Variants in VPS13B observed in about 807,000 individuals in gnomAD.
The protein encoded by VPS13B is intermembrane lipid transfer protein VPS13B.
VPS13B carries 285 observed loss-of-function variants against 426.4 expected under a neutral mutation model. The observed-to-expected ratio is 0.67, with a 90% CI of 0.61 to 0.74. The LOEUF (loss-of-function observed/expected upper bound fraction) is 0.74, where lower values mean the gene tolerates loss of function less well. Ranked by LOEUF, VPS13B falls within the 30% of genes least tolerant of loss-of-function variation. VPS13B has a pLI of 0.00. For synonymous variants in VPS13B, 1,676 were observed against 1,676.4 expected (o/e 1.00, Z 0.01); for missense variants, 4,537 against 4,782.6 (o/e 0.95, Z 1.51).
chr8:99,220,945 G>A (rs1588150682), intron 17 of VPS13B, among the ~76,000 whole-genome samples: 3 of 78,770 alleles, frequency 3.8e-5, no homozygotes, highest in African/African-American at 5.0e-5. Flanking sequence ...CCCCTCCCCC[G>A]ACCCCACCAC....
At position 99,520,997 on chromosome 8, in the gene VPS13B, A is replaced by T; in HGVS notation, c.4732A>T (p.Lys1578Ter). The T allele has an allele frequency of 6.2e-7, 1 of 1,613,546 alleles. No individual in the cohort carries two copies. The highest frequency in any genetic ancestry group is 2.2e-5 in the East Asian group (1 of 44,846). ...DNPLGRSVLR[K>*]DIYQRALNLG... ...TCCCCTTGGCAGATCTGTCCTTAGG[A>T]AAGATATTTACCAGTAAGTTTATTT... is the stretch of plus-strand genomic sequence containing the variant. Residue 1578 changes from lysine (K) to a stop codon, truncating the protein, a stop_gained, in exon 30 of 62, where the codon AAA (lysine) becomes TAA (stop). Coordinates refer to ENST00000357162, the MANE Select transcript of VPS13B (RefSeq NM_152564.5). LOFTEE classifies it high-confidence loss of function.
intron 17 of VPS13B, among the ~76,000 whole-genome samples, chr8:99,249,485 G>A (rs1200664091): frequency 1.3e-5 from 2 of 149,130 alleles, no homozygotes; most frequent in African/African-American, 5.0e-5. Context: ...GGAGTACAGT[G>A]GCGCGGTCTC....
chr8:99,138,801 T>A (rs955913016), intron 12 of VPS13B, among the ~76,000 whole-genome samples: 4 of 152,236 alleles, frequency 2.6e-5, no homozygotes, highest in Admixed American at 6.5e-5. Context: ...AGGTTTCCTC[T>A]TGTTCAATAT....
intron 3 of VPS13B, among the ~76,000 whole-genome samples, chr8:99,086,943 C>T (rs1258517668): frequency 2.0e-5 from 3 of 152,182 alleles, no homozygotes; most frequent in Non-Finnish European, 2.9e-5. Flanking sequence ...GTTCTCAGAT[C>T]TGCAGCTGTG....
intron 17 of VPS13B, among the ~76,000 whole-genome samples, chr8:99,257,793 C>CT (rs879425028): frequency 8.4e-4 from 120 of 142,488 alleles, no homozygotes; most frequent in African/African-American, 8.9e-4. Flanking sequence ...CTAATGCTGA[C>CT]TTTTTTTTTT....
At chr8:99,100,177 A>G (rs923257222) in intron 4 of VPS13B, among the ~76,000 whole-genome samples, 1 of 152,224 alleles carries the variant, frequency 6.6e-6, no homozygotes, top group African/African-American at 2.4e-5. Context: ...GTAAGGAAAC[A>G]GTGATAGTCT....
rs1421452908 is a variant in VPS13B at position 99,791,551 on chromosome 8, T to C, written c.7941+7075T>C. ...TACTAATGTATTTGAGAAGACGGTC[T>C]AGAGAAGATTGAGAATACAAACAGA... On this transcript the variant is annotated intron_variant, in intron 43 of 61. Coordinates refer to ENST00000357162, the MANE Select transcript of VPS13B (RefSeq NM_152564.5). Among the ~76,000 whole-genome samples the C allele has an allele frequency of 2.0e-5, 3 of 151,992 alleles. No homozygotes were observed. The East Asian group carries it at 5.8e-4, about 29-fold the overall frequency.
chr8:99,566,414 G>A (rs572454992), intron 31 of VPS13B, among the ~76,000 whole-genome samples: 2 of 151,262 alleles, frequency 1.3e-5, no homozygotes, highest in Non-Finnish European at 2.9e-5. Flanking sequence ...GCCCTAAATA[G>A]CCAGTTTCCC....
At position 99,288,965 on chromosome 8, in the gene VPS13B, G is replaced by A. The variant is rs980753759; in HGVS notation, c.2824+13711G>A. On this transcript the variant is annotated intron_variant, in intron 19 of 61. Coordinates refer to ENST00000357162, the MANE Select transcript of VPS13B (RefSeq NM_152564.5). Reference sequence around the variant, plus strand: ...TAATCTCAGCACTTTGGGAGGCTGAGGTGGAAGGATCACTTGAGTCCAGGA... The same window carrying A: ...TAATCTCAGCACTTTGGGAGGCTGAAGTGGAAGGATCACTTGAGTCCAGGA... 2.0e-5 allele frequency among the ~76,000 whole-genome samples: 3 copies of A among 152,066 alleles called. No individual in the cohort carries two copies. In the East Asian group the frequency reaches 5.8e-4, roughly 29 times the overall value.
chr8:99,089,156 G>A (rs968116631), intron 3 of VPS13B, among the ~76,000 whole-genome samples: 5 of 152,150 alleles, frequency 3.3e-5, no homozygotes, highest in African/African-American at 1.2e-4. Flanking sequence ...ATCTCTTTAT[G>A]CCTTCGTTTC....
chr8:99,268,077 A>G (rs1818401001), intron 17 of VPS13B, among the ~76,000 whole-genome samples: 1 of 152,162 alleles, frequency 6.6e-6, no homozygotes, highest in Non-Finnish European at 1.5e-5. Flanking sequence ...TCCACGTGGT[A>G]TTGGTCCTGA....
intron 15 of VPS13B, among the ~76,000 whole-genome samples, chr8:99,164,007 G>A (rs1431598353): frequency 1.3e-5 from 2 of 152,176 alleles, no homozygotes; most frequent in East Asian, 3.9e-4. Flanking sequence ...TGGGAATTTG[G>A]CCGTTGACTG....
intron 17 of VPS13B, among the ~76,000 whole-genome samples, chr8:99,259,616 G>A (rs1227171417): frequency 6.6e-6 from 1 of 152,114 alleles, no homozygotes; most frequent in Non-Finnish European, 1.5e-5. Flanking sequence ...TGATTGGGAA[G>A]GGAGAGGGTG....
chr8:99,596,100 G>A (rs1044554755), intron 33 of VPS13B, among the ~76,000 whole-genome samples: 2 of 151,836 alleles, frequency 1.3e-5, no homozygotes, highest in African/African-American at 4.8e-5. Context: ...TGACATTTGG[G>A]GCACATTTGC....
At chr8:99,069,803 T>C (rs1480676755) in intron 3 of VPS13B, among the ~76,000 whole-genome samples, 1 of 152,228 alleles carries the variant, frequency 6.6e-6, no homozygotes, top group African/African-American at 2.4e-5. Context: ...GCGCATATAG[T>C]TTACTTTTAA....
intron 35 of VPS13B, among the ~76,000 whole-genome samples, chr8:99,682,653 G>C (rs1831200726): frequency 6.6e-6 from 1 of 152,146 alleles, no homozygotes; most frequent in South Asian, 2.1e-4. Flanking sequence ...GGCTAGGGAA[G>C]GTAACATCAG....
At chr8:99,326,849 T>G (rs1810305288) in intron 19 of VPS13B, among the ~76,000 whole-genome samples, 1 of 152,236 alleles carries the variant, frequency 6.6e-6, no homozygotes. Context: ...CAGTTGAAGT[T>G]CAGCTCTGAT....
chr8:99,800,688 C>G (rs1289456181), intron 43 of VPS13B, among the ~76,000 whole-genome samples: 1 of 151,884 alleles, frequency 6.6e-6, no homozygotes, highest in Non-Finnish European at 1.5e-5. Context: ...ATGAAAAATG[C>G]TACTATTTTC....
At chr8:99,221,304 A>G (rs566678516) in intron 17 of VPS13B, among the ~76,000 whole-genome samples, 1 of 151,678 alleles carries the variant, frequency 6.6e-6, no homozygotes, top group East Asian at 2.0e-4. Flanking sequence ...GTATATACCC[A>G]GTAATGGGAT....
Sources: allele counts gnomAD v4.1 joint callset (sites outside exome capture counted in the v4.1 genomes callset), GRCh38; gene constraint gnomAD v4.1.1; transcripts MANE v1.5; gene names NCBI Gene and HGNC (gene_info 2026-07-23, HGNC 2026-07-21).